Variants in DIP2B observed in about 807,000 individuals in gnomAD.
The protein encoded by DIP2B is disco-interacting protein 2 homolog B.
In DIP2B, 76 loss-of-function variants were observed where a neutral mutation model predicts 198.0. The ratio of observed to expected loss-of-function variants is 0.38; its 90% confidence interval spans 0.32 to 0.46. The LOEUF (loss-of-function observed/expected upper bound fraction) is 0.46, where lower values mean the gene tolerates loss of function less well. DIP2B is among the 20% of genes least tolerant of loss of function. The pLI, the probability that DIP2B is intolerant of heterozygous loss-of-function variation, is 0.99. For synonymous variants in DIP2B, 701 were observed against 739.1 expected (o/e 0.95, Z 0.84); for missense variants, 1,559 against 1,978.4 (o/e 0.79, Z 4.02).
chr12:50,631,300 C>T (rs1938048829), intron 2 of DIP2B, among the ~76,000 whole-genome samples: 2 of 151,792 alleles, frequency 1.3e-5, no homozygotes, highest in Non-Finnish European at 2.9e-5. Flanking sequence ...AGACTTGGCT[C>T]ACTGCAACCT....
At chr12:50,545,506 G>C (rs1958369302) in intron 1 of DIP2B, among the ~76,000 whole-genome samples, 2 of 151,228 alleles carry the variant, frequency 1.3e-5, no homozygotes, top group South Asian at 4.2e-4. Context: ...CTCCCGAGTA[G>C]CTGGGACTAC....
chr12:50,575,755 T>G (rs192566787), intron 1 of DIP2B, among the ~76,000 whole-genome samples: 151 of 152,018 alleles, frequency 9.9e-4, no homozygotes, highest in Non-Finnish European at 7.8e-4. Flanking sequence ...GCCAGGGACC[T>G]GGCAGCCAAT....
intron 34 of DIP2B, among the ~76,000 whole-genome samples, chr12:50,736,391 T>C (rs915863930): frequency 6.6e-6 from 1 of 152,200 alleles, no homozygotes; most frequent in African/African-American, 2.4e-5. Context: ...CCTCATACTT[T>C]AGAAACCCAA....
intron 1 of DIP2B, among the ~76,000 whole-genome samples, chr12:50,507,301 G>T (rs1192517844): frequency 6.6e-6 from 1 of 152,166 alleles, no homozygotes; most frequent in Non-Finnish European, 1.5e-5. Flanking sequence ...TGAAAAACTT[G>T]GGCCTGCAGT....
chr12:50,568,095 G>T (rs1958581522), intron 1 of DIP2B, among the ~76,000 whole-genome samples: 2 of 152,132 alleles, frequency 1.3e-5, no homozygotes, highest in Non-Finnish European at 2.9e-5. Context: ...GTAGATTCCA[G>T]TGTCAGTTCA....
intron 1 of DIP2B, among the ~76,000 whole-genome samples, chr12:50,520,230 G>T (rs967722885): frequency 7.9e-5 from 12 of 151,868 alleles, no homozygotes; most frequent in African/African-American, 2.2e-4. Flanking sequence ...TGGAGACAGG[G>T]TTTCACCGTG....
rs1368804152 is a variant in DIP2B at position 50,732,383 on chromosome 12, C to T, written c.3828C>T (p.Leu1276=). 1.9e-6 allele frequency: 3 copies of T among 1,614,216 alleles called. No individual in the cohort carries two copies. Among genetic ancestry groups the T allele is most frequent in the South Asian group, 1.1e-5 (1 of 91,086 alleles). Residue 1276 remains leucine, a synonymous_variant, in exon 32 of 38, where the codon CTC becomes CTT. Transcript: ENST00000301180. The part of the protein sequence containing the change: ...VEVLKTRGIN[L]SCVRTCVVVA... ...TCTTGCAGACCAGAGGGATCAACCT[C>T]TCCTGCGTCCGGACCTGTGTGGTGG...
intron 1 of DIP2B, among the ~76,000 whole-genome samples, chr12:50,598,063 G>A (rs904265699): frequency 4.6e-5 from 7 of 152,144 alleles, no homozygotes; most frequent in African/African-American, 1.7e-4. Flanking sequence ...AATAACTCAA[G>A]TAATTTCTAA....
chr12:50,740,376 G>C (rs1391308436), intron 36 of DIP2B, among the ~76,000 whole-genome samples: 1 of 152,202 alleles, frequency 6.6e-6, no homozygotes, highest in East Asian at 1.9e-4. Context: ...CACTTGCTGG[G>C]TGACCTTGAG....
At chr12:50,726,837 G>A (rs1376308883) in intron 28 of DIP2B, among the ~76,000 whole-genome samples, 1 of 152,082 alleles carries the variant, frequency 6.6e-6, no homozygotes, top group Non-Finnish European at 1.5e-5. Context: ...GGTTAGCCAG[G>A]TGCAGTGGCT....
chr12:50,621,814 C>T (rs769353383), intron 1 of DIP2B, among the ~76,000 whole-genome samples: 2 of 152,194 alleles, frequency 1.3e-5, no homozygotes, highest in Non-Finnish European at 2.9e-5. Context: ...TTGTAGTCCT[C>T]GCATTCTCAC....
intron 1 of DIP2B, among the ~76,000 whole-genome samples, chr12:50,601,931 T>C (rs1958940318): frequency 6.6e-6 from 1 of 152,242 alleles, no homozygotes; most frequent in African/African-American, 2.4e-5. Flanking sequence ...CCAGTCCTGG[T>C]GTGCATAGTT....
intron 3 of DIP2B, among the ~76,000 whole-genome samples, chr12:50,648,332 T>C (rs1938386487): frequency 6.6e-6 from 1 of 152,120 alleles, no homozygotes; most frequent in African/African-American, 2.4e-5. Flanking sequence ...AAACTACCTG[T>C]CCATTGCCTA....
chr12:50,508,864 G>A (rs1371949781), intron 1 of DIP2B, among the ~76,000 whole-genome samples: 3 of 151,990 alleles, frequency 2.0e-5, no homozygotes, highest in African/African-American at 4.8e-5. Flanking sequence ...GCGCCACCAC[G>A]CCTGGCTAAT....
At chr12:50,675,008 C>T (rs1225449998) in intron 6 of DIP2B, among the ~76,000 whole-genome samples, 1 of 152,114 alleles carries the variant, frequency 6.6e-6, no homozygotes, top group Non-Finnish European at 1.5e-5. Flanking sequence ...ACTAAAAATA[C>T]AAAAAATTAG....
chr12:50,653,292 T>C (rs975940975), intron 3 of DIP2B, among the ~76,000 whole-genome samples: 1 of 151,574 alleles, frequency 6.6e-6, no homozygotes, highest in Admixed American at 6.6e-5. Context: ...GATTATCCAA[T>C]TTTTGCCAGG....
intron 22 of DIP2B, among the ~76,000 whole-genome samples, chr12:50,712,644 C>G (rs1473992036): frequency 6.6e-6 from 1 of 151,768 alleles, no homozygotes; most frequent in Non-Finnish European, 1.5e-5. Flanking sequence ...CACGGTGGCT[C>G]ACACCTGTAA....
At chr12:50,648,701 C>A (rs1406474691) in intron 3 of DIP2B, among the ~76,000 whole-genome samples, 1 of 136,556 alleles carries the variant, frequency 7.3e-6, no homozygotes, top group African/African-American at 2.6e-5. Context: ...TGTTCTTCCC[C>A]CCCCCCTCCT....
chr12:50,668,517 C>T (rs1938795019), intron 4 of DIP2B, among the ~76,000 whole-genome samples: 1 of 152,144 alleles, frequency 6.6e-6, no homozygotes, highest in Non-Finnish European at 1.5e-5. Flanking sequence ...TGAAACAATA[C>T]ACCTAATTGC....
Sources: allele counts gnomAD v4.1 joint callset (sites outside exome capture counted in the v4.1 genomes callset), GRCh38; gene constraint gnomAD v4.1.1; transcripts MANE v1.5; gene names NCBI Gene and HGNC (gene_info 2026-07-23, HGNC 2026-07-21).